The following CCDC13 variants were observed in gnomAD, a reference collection of about 807,000 sequenced individuals.
CCDC13 encodes coiled-coil domain-containing protein 13.
CCDC13 carries 70 observed loss-of-function variants against 87.3 expected under a neutral mutation model. The ratio of observed to expected loss-of-function variants is 0.80; its 90% CI spans 0.66 to 0.98. The LOEUF (loss-of-function observed/expected upper bound fraction) is 0.98. CCDC13 is among the 50% of genes least tolerant of loss of function. The pLI, the probability that CCDC13 is intolerant of heterozygous loss-of-function variation, is 0.00. For missense variants in CCDC13, 842 were observed against 892.0 expected (o/e 0.94, Z 0.71); for synonymous variants, 317 against 360.3 (o/e 0.88, Z 1.36).
intron 1 of CCDC13, among the ~76,000 whole-genome samples, chr3:42,762,890 A>C (rs1444935289): frequency 1.3e-5 from 2 of 152,172 alleles, no homozygotes; most frequent in Non-Finnish European, 2.9e-5. Flanking sequence ...TTGAGACTAC[A>C]ATGAGCTGTG....
At chr3:42,710,424 C>G (rs114667953) in intron 14 of CCDC13, among the ~76,000 whole-genome samples, 1 of 152,064 alleles carries the variant, frequency 6.6e-6, no homozygotes, top group African/African-American at 2.4e-5. Flanking sequence ...AGGCTGAGCC[C>G]GAGTCTAGAC....
chr3:42,752,689 G>T lies in CCDC13; in HGVS notation c.399C>A (p.Val133=). The T allele has an allele frequency of 5.6e-6, 9 of 1,614,070 alleles. No homozygotes were observed. Among genetic ancestry groups the T allele is most frequent in the Non-Finnish European group, 6.8e-6 (8 of 1,180,026 alleles). ...TTGATAGCTCCACAATTTTGGTGGC[G>T]ACCACGTCTCCGGCTACACCGGCTG... ...TGTAGVAGDV[V]ATKIVELSKK... Residue 133 remains valine (V), a synonymous_variant, in exon 4 of 16, where the codon GTC becomes GTA. Transcript: ENST00000310232.
intron 12 of CCDC13, 110 bp from the exon 13 acceptor site, chr3:42,730,699 C>T: frequency 4.9e-6 from 7 of 1,440,244 alleles, no homozygotes; most frequent in East Asian, 2.4e-5. Context: ...GAATGTCAGC[C>T]AGAGCAAAGG....
At chr3:42,722,393 A>T (rs1399206221) in intron 13 of CCDC13, among the ~76,000 whole-genome samples, 4 of 152,220 alleles carry the variant, frequency 2.6e-5, no homozygotes, top group Non-Finnish European at 5.9e-5. Context: ...CTTAAAGAGG[A>T]GCTGGGTAAA....
chr3:42,735,892 C>A lies in CCDC13; in HGVS notation c.1186G>T (p.Glu396Ter). Residue 396 changes from glutamate (E) to a stop codon, truncating the protein, a stop_gained, in exon 10 of 16, where the codon GAG becomes TAG. Transcript: ENST00000310232. LOFTEE classifies it high-confidence loss of function. ...ALMDQLKQLQ[E>*]ILGSLSLQEE... The stretch of plus-strand genomic sequence containing the variant: ...TGCAGACTCAGGCTGCCTAGGATCT[C>A]CTGTAGCTGCTTCAGCTGGTCCTGG... 1.2e-6 allele frequency: 2 copies of A among 1,613,980 alleles called. No individual in the cohort carries two copies. The highest frequency in any genetic ancestry group is 1.7e-6 in the Non-Finnish European group (2 of 1,179,974).
chr3:42,709,615 C>A, intron 15 of CCDC13, 69 bp downstream of exon 15: 1 of 1,225,720 alleles, frequency 8.2e-7, no homozygotes, highest in Non-Finnish European at 1.2e-6. Context: ...GGGACACAGT[C>A]CCTCTGCCCA....
At chr3:42,712,204 G>T (rs1185942188) in intron 14 of CCDC13, among the ~76,000 whole-genome samples, 1 of 152,088 alleles carries the variant, frequency 6.6e-6, no homozygotes, top group African/African-American at 2.4e-5. Context: ...GGGAGGGGTT[G>T]GGGGGCTACT....
Position 42,745,962 on chromosome 3 carries a change from C to T in CCDC13, c.786G>A (p.Trp262Ter). 6.2e-7 allele frequency: 1 copy of T among 1,614,168 alleles called. No homozygotes were observed. Among genetic ancestry groups the T allele is most frequent in the Non-Finnish European group, 8.5e-7 (1 of 1,180,008 alleles). The change falls in exon 7 of 16, where the codon TGG becomes TGA. Residue 262 changes from tryptophan (W) to a stop codon, truncating the protein, a stop_gained. Transcript: ENST00000310232. LOFTEE classifies it high-confidence loss of function. ...CAAGAATTTGTTGAGCCCGACCCCT[C>T]CAGGTCCCTGGCGAAGATAGGAGCT... ...VQQLLSSPGT[W>*]RGRAQQILVL...
chr3:42,728,084 T>C (rs1238789753), intron 13 of CCDC13, among the ~76,000 whole-genome samples: 3 of 152,342 alleles, frequency 2.0e-5, no homozygotes, highest in Middle Eastern at 3.4e-3. Flanking sequence ...CAACTCCTAT[T>C]GTAAGTAACT....
At chr3:42,746,940 A>C in intron 6 of CCDC13, 1 of 468,086 alleles carries the variant, frequency 2.1e-6, no homozygotes, top group Non-Finnish European at 3.9e-6. Context: ...CAAGTAGTGC[A>C]GGGAAGGCTT....
rs983030628 is a variant in CCDC13, at chr3:42,757,365, G to T, written c.222-151C>A. The T allele has an allele frequency of 1.4e-5, 10 of 713,478 alleles. No individual in the cohort carries two copies. In the East Asian group the frequency reaches 2.4e-4, roughly 17 times the overall value. 44.2% of individuals were successfully genotyped at this position (713,478 alleles called of 1,614,324 possible). ...AGATTTCAATGTCGTTCATTAGCTGGCTTAAATAGGGAGTTATAAAAAAAC... is the reference window on the plus strand; with the variant it reads ...AGATTTCAATGTCGTTCATTAGCTGTCTTAAATAGGGAGTTATAAAAAAAC... On this transcript the variant is annotated intron_variant, in intron 2 of 15. Transcript: ENST00000310232.
intron 13 of CCDC13, among the ~76,000 whole-genome samples, chr3:42,729,227 G>A (rs186519933): frequency 6.6e-6 from 1 of 152,316 alleles, no homozygotes; most frequent in Admixed American, 6.5e-5. Context: ...AGAAATGAGA[G>A]AGAAAGCCTG....
Position 42,733,464 on chromosome 3 carries a change from T to A in CCDC13, c.1511+6A>T. ...TTCCAACCCCTCCCTCCCATTGTTT[T>A]CTTACCGAGAAGATCCAAGCCTGCC... On this transcript the variant is annotated splice_donor_region_variant and intron_variant, in intron 11 of 15. Transcript: ENST00000310232. 1.9e-6 allele frequency: 3 copies of A among 1,614,028 alleles called. No homozygotes were observed. Among genetic ancestry groups the A allele is most frequent in the Non-Finnish European group, 2.5e-6 (3 of 1,179,970 alleles).
chr3:42,747,495 C>A, intron 5 of CCDC13, 122 bp from the exon 6 acceptor site: 1 of 722,922 alleles, frequency 1.4e-6, no homozygotes. Flanking sequence ...TGGAAGAACT[C>A]ATTTAATCCT....
intron 13 of CCDC13, among the ~76,000 whole-genome samples, chr3:42,716,492 C>T (rs1698432844): frequency 6.6e-6 from 1 of 152,120 alleles, no homozygotes. Flanking sequence ...GCTACTACAA[C>T]TCAACAACAG....
At chr3:42,764,490 T>C (rs1287820635) in intron 1 of CCDC13, among the ~76,000 whole-genome samples, 1 of 152,246 alleles carries the variant, frequency 6.6e-6, no homozygotes, top group Non-Finnish European at 1.5e-5. Context: ...CATAATAGGT[T>C]CTTTCCATTA....
intron 5 of CCDC13, among the ~76,000 whole-genome samples, chr3:42,751,020 A>G (rs1446858953): frequency 6.6e-6 from 1 of 152,180 alleles, no homozygotes; most frequent in African/African-American, 2.4e-5. Flanking sequence ...ACTCTTGAGG[A>G]GGCACATTCA....
chr3:42,746,808 C>T (rs1699408147), intron 6 of CCDC13: 1 of 228,236 alleles, frequency 4.4e-6, no homozygotes, highest in African/African-American at 2.3e-5. Context: ...TGAAAGGGTC[C>T]TTTAATACAC....
In CCDC13 at chr3:42,708,999, T is replaced by C. The variant is rs201648184; in HGVS notation, c.2129A>G (p.Gln710Arg). 22 of 1,612,698 alleles carry C rather than the reference T, an allele frequency of 1.4e-5. No homozygotes were observed. The highest frequency in any genetic ancestry group is 1.1e-4 in the East Asian group (5 of 44,856). Residue 710 changes from glutamine (Q) to arginine (R), a missense_variant, in exon 16 of 16, where the codon CAG becomes CGG. Transcript: ENST00000310232. ...GTCATCCTATTGCTTGCCTGTCTTC[T>C]GCTGCCGCAGGGCCTGCAGGAAGAC... is the stretch of plus-strand genomic sequence containing the variant. ...KSVFLQALRQ[Q>R]KTGKQ
Sources: gnomAD v4.1 joint callset for allele counts (sites outside exome capture counted in the v4.1 genomes callset) on GRCh38, gnomAD v4.1.1 for gene constraint, MANE v1.5 for transcripts, NCBI Gene and HGNC (gene_info 2026-07-23, HGNC 2026-07-21) for gene names.